SH2D3C: variants seen among roughly 807,000 people sequenced by gnomAD.
SH2D3C encodes the protein SH2 domain-containing protein 3C.
In SH2D3C, 25 loss-of-function variants were observed where a neutral mutation model predicts 75.2. The ratio of observed to expected loss-of-function variants is 0.33; its 90% CI spans 0.24 to 0.46. SH2D3C has a LOEUF of 0.46. SH2D3C is among the 20% of genes least tolerant of loss of function. The pLI, the probability that SH2D3C is intolerant of heterozygous loss-of-function variation, is 1.00. For synonymous variants in SH2D3C, 450 were observed against 473.7 expected, an observed-to-expected ratio of 0.95 and a Z score of 0.65; for missense variants, 933 against 1,165.3, an observed-to-expected ratio of 0.80 and a Z score of 2.90.
At chr9:127,755,013 GC>G in intron 3 of SH2D3C, 1 of 768,032 alleles carries the variant, frequency 1.3e-6, no homozygotes, top group Non-Finnish European at 1.7e-6. Flanking sequence ...TGGCTCTAGG[GC>G]CCCGGGCGGA....
chr9:127,751,423 G>T lies in SH2D3C; in HGVS notation c.556-123C>A. The T allele has an allele frequency of 1.1e-6, 1 of 907,240 alleles. No individual in the cohort carries two copies. The highest frequency in any genetic ancestry group is 1.7e-6 in the Non-Finnish European group (1 of 582,176). The allele number at this position is 907,240 out of a possible 1,614,324, so 56.2% of individuals were successfully genotyped here. ...GGACTCTGGGAACACTAAGGCACAG[G>T]TGCCAGACCCTTTCCCATGGGTCCC... is the stretch of plus-strand genomic sequence containing the variant. On this transcript the variant is annotated intron_variant, in intron 3 of 11. Transcript: ENST00000314830. The surrounding 1 kb of genome is among the most constrained non-coding windows in gnomAD (Gnocchi z 4.1).
chr9:127,765,903 A>C, intron 2 of SH2D3C, among the ~76,000 whole-genome samples: 1 of 152,246 alleles, frequency 6.6e-6, no homozygotes, highest in East Asian at 1.9e-4. Flanking sequence ...CAGTCCCATT[A>C]ATCATCAGCA....
intron 2 of SH2D3C, 39 bp downstream of exon 2, chr9:127,773,951 G>C (rs1588527274): frequency 8.6e-7 from 1 of 1,158,194 alleles, no homozygotes; most frequent in Non-Finnish European, 1.3e-6. Context: ...AAAAACAGAA[G>C]CCATCCCTGC....
intron 10 of SH2D3C, 52 bp downstream of exon 10, chr9:127,740,206 G>T: frequency 6.7e-7 from 1 of 1,492,396 alleles, no homozygotes; most frequent in Non-Finnish European, 9.3e-7. Context: ...GGGAGTCTTT[G>T]CAACCCCAGG....
Position 127,774,543 on chromosome 9 carries a change from G to GTT in SH2D3C, c.38-78_38-77dup, listed in dbSNP as rs761987386. The GTT allele has an allele frequency of 8.7e-6, 7 of 809,246 alleles. No homozygotes were observed. In the East Asian group the frequency reaches 1.7e-4, roughly 20 times the overall value. 50.1% of individuals were successfully genotyped at this position (809,246 alleles called of 1,614,324 possible). On this transcript the variant is annotated intron_variant, in intron 1 of 11. Transcript: ENST00000314830. This position sits in a 1 kb window ranked among gnomAD's most constrained non-coding sequence, Gnocchi z 4.3. ...GTGATAATAATGAACAATTCCTGCA[G>GTT]TTTCACTCGGTGAGGGGCTGAAGAG...
Position 127,774,085 on chromosome 9 carries a change from G to C in SH2D3C, c.420C>G (p.Asn140Lys), listed in dbSNP as rs1468957507. 1 of 1,614,160 alleles carries C rather than the reference G, an allele frequency of 6.2e-7. No homozygotes were observed. The highest frequency in any genetic ancestry group is 8.5e-7 in the Non-Finnish European group (1 of 1,180,004). Reference protein sequence around the residue: ...PLEDTPAMEPNPSAVEVDPIR... With the variant: ...PLEDTPAMEPKPSAVEVDPIR... ...TGGGGTCTACCTCCACTGCTGAAGG[G>C]TTGGGTTCCATTGCTGGGGTGTCCT... Residue 140 changes from asparagine to lysine, a missense_variant, in exon 2 of 12, where the codon AAC becomes AAG. Asn to Lys is a moderately conservative substitution (Grantham distance 94). Transcript: ENST00000314830. This position sits in a 1 kb window ranked among gnomAD's most constrained non-coding sequence, Gnocchi z 4.3.
chr9:127,765,552 CCCTT>C (rs1394053703), intron 2 of SH2D3C, among the ~76,000 whole-genome samples: 3 of 152,178 alleles, frequency 2.0e-5, no homozygotes, highest in African/African-American at 7.2e-5. Context: ...TCTCTCCTCT[CCCTT>C]CCTTGCACTC....
At chr9:127,771,548 C>T (rs1005435950) in intron 2 of SH2D3C, 3 of 369,026 alleles carry the variant, frequency 8.1e-6, no homozygotes, top group Non-Finnish European at 1.4e-5. Flanking sequence ...GGCTCCAACG[C>T]TCGCTTCCCC....
chr9:127,774,170 G>C lies in SH2D3C; in HGVS notation c.335C>G (p.Pro112Arg). ...PKPNLVPGGV[P>R]DPPGLEAAKE... ...GGCTGCCTCCAAGCCTGGGGGGTCGGGTACACCTCCGGGTACCAAGTTGGG... is the reference window on the plus strand; with the variant it reads ...GGCTGCCTCCAAGCCTGGGGGGTCGCGTACACCTCCGGGTACCAAGTTGGG... The change falls in exon 2 of 12, where the codon CCC becomes CGC. Residue 112 changes from proline to arginine, a missense_variant. Coordinates refer to ENST00000314830, the MANE Select transcript of SH2D3C (RefSeq NM_170600.3). The surrounding 1 kb of genome is among the most constrained non-coding windows in gnomAD (Gnocchi z 4.3). 1.2e-6 allele frequency: 2 copies of C among 1,614,008 alleles called. No homozygotes were observed. The highest frequency in any genetic ancestry group is 2.2e-5 in the South Asian group (2 of 91,070).
intron 7 of SH2D3C, 31 bp downstream of exon 7, chr9:127,744,533 C>A: frequency 6.4e-7 from 1 of 1,573,892 alleles, no homozygotes; most frequent in Non-Finnish European, 8.7e-7. Context: ...CAGAGATGCT[C>A]CCTCCACCCC....
At chr9:127,762,692 G>A (rs553154307) in intron 2 of SH2D3C, among the ~76,000 whole-genome samples, 111 of 152,240 alleles carry the variant, frequency 7.3e-4, no homozygotes, top group South Asian at 1.5e-3. Flanking sequence ...GCCTTCCCTC[G>A]GGCTCCGTGT....
chr9:127,742,132 G>A (rs1364325837), intron 8 of SH2D3C, among the ~76,000 whole-genome samples, 173 bp from the exon 9 acceptor site: 1 of 152,134 alleles, frequency 6.6e-6, no homozygotes, highest in Non-Finnish European at 1.5e-5. Context: ...GCAAGGCCTC[G>A]GGCTTCTGAT....
chr9:127,768,609 G>T (rs1248446157), intron 2 of SH2D3C, among the ~76,000 whole-genome samples: 1 of 152,166 alleles, frequency 6.6e-6, no homozygotes, highest in Non-Finnish European at 1.5e-5. Context: ...ACACAGAAAA[G>T]ATTCTCCTAA....
At chr9:127,760,175 T>C (rs1440926000) in intron 3 of SH2D3C, among the ~76,000 whole-genome samples, 1 of 151,950 alleles carries the variant, frequency 6.6e-6, no homozygotes, top group Non-Finnish European at 1.5e-5. Flanking sequence ...ATCTGATGGA[T>C]TGCAAAAAAC....
rs576155500 is a variant in SH2D3C at position 127,738,716 on chromosome 9, C to T, written c.*30G>A. 29 of 1,544,794 alleles carry T rather than the reference C, an allele frequency of 1.9e-5. No individual in the cohort carries two copies. Among genetic ancestry groups the T allele is most frequent in the South Asian group, 1.4e-4 (12 of 82,846 alleles). ...GTGCCCCTCTGCCCCTGACGCTGTC[C>T]GCAGCTGCAGAGGGGAAATGTCCCT... On this transcript the variant is annotated 3_prime_UTR_variant, in exon 12 of 12. Coordinates refer to ENST00000314830, the MANE Select transcript of SH2D3C (RefSeq NM_170600.3). This position sits in a 1 kb window ranked among gnomAD's most constrained non-coding sequence, Gnocchi z 5.0.
chr9:127,748,326 C>A (rs1845094179), intron 5 of SH2D3C, among the ~76,000 whole-genome samples: 1 of 152,180 alleles, frequency 6.6e-6, no homozygotes, highest in African/African-American at 2.4e-5. Context: ...GGCCAAGTGG[C>A]TGCAGCCCAC....
At chr9:127,752,409 T>C (rs1029091455) in intron 3 of SH2D3C, among the ~76,000 whole-genome samples, 4 of 151,958 alleles carry the variant, frequency 2.6e-5, no homozygotes, top group Non-Finnish European at 5.9e-5. Context: ...TTCCCCCACC[T>C]CCAGGCCCCA....
chr9:127,745,101 TG>T lies in SH2D3C; in HGVS notation c.1265-3del. 6.7e-7 allele frequency: 1 copy of T among 1,497,516 alleles called. No homozygotes were observed. Among genetic ancestry groups the T allele is most frequent in the African/African-American group, 1.4e-5 (1 of 71,548 alleles). The allele number at this position is 1,497,516 out of a possible 1,614,324, so 92.8% of individuals were successfully genotyped here. On this transcript the variant is annotated splice_region_variant and splice_polypyrimidine_tract_variant and intron_variant, in intron 6 of 11. Transcript: ENST00000314830. ...CAGGGGCGGCATGGACACGGGTTAC[TG>T]CAGAAAGGTAGAGAGAGAGGCCCCG...
intron 2 of SH2D3C, chr9:127,762,175 C>A (rs1376066372): frequency 8.4e-7 from 1 of 1,183,704 alleles, no homozygotes; most frequent in African/African-American, 1.6e-5. Context: ...GCCCAGCTGA[C>A]TGCGGAGCCA....
Sources: gnomAD v4.1 joint callset for allele counts (sites outside exome capture counted in the v4.1 genomes callset) on GRCh38, gnomAD v4.1.1 for gene constraint, Gnocchi (gnomAD v3.1) non-coding constraint, MANE v1.5 for transcripts, NCBI Gene and HGNC (gene_info 2026-07-23, HGNC 2026-07-21) for gene names.